ADAT3: variants seen among roughly 807,000 people sequenced by gnomAD.
ADAT3 encodes the protein adenosine deaminase tRNA specific 3, also known as tRNA-specific adenosine-34 deaminase regulatory subunit ADAT3.
Under a neutral mutation model 3.5 loss-of-function variants are expected in ADAT3, and 2 were observed. That is an observed-to-expected ratio of 0.57 (90% CI 0.23 to 1.79). ADAT3 has a LOEUF of 1.79. Ranked by LOEUF, ADAT3 falls within the 40% of genes most tolerant of loss-of-function variation. The pLI, the probability that ADAT3 is intolerant of heterozygous loss-of-function variation, is 0.18. For synonymous variants in ADAT3, 358 were observed against 270.3 expected (o/e 1.32, Z -3.18); for missense variants, 735 against 571.4 (o/e 1.29, Z -2.92).
rs2013513989 is a variant in ADAT3, at chr19:1,912,428, ACGGCCGGCTGTGGACCCCCG to A, written c.387_406del (p.Ala130GlyfsTer147). ...CGCGCTCGCTGGCTGAGCTCCTGCC[ACGGCCGGCTGTGGACCCCCG>A]CGGCCTGGGGCAACCCTTCCTGGTG... On this transcript the variant is annotated frameshift_variant, in exon 2 of 2. Coordinates refer to ENST00000329478, the MANE Select transcript of ADAT3 (RefSeq NM_138422.4). LOFTEE classifies it low-confidence loss of function (END_TRUNC). The A allele has an allele frequency of 6.6e-7, 1 of 1,511,650 alleles. No individual in the cohort carries two copies. The highest frequency in any genetic ancestry group is 8.8e-7 in the Non-Finnish European group (1 of 1,137,230). 93.6% of individuals were successfully genotyped at this position (1,511,650 alleles called of 1,614,324 possible). A position where few individuals can be genotyped will look rare whatever the true frequency, so the allele number is the denominator to read the frequency against.
Position 1,912,844 on chromosome 19 carries a change from C to T in ADAT3, c.797C>T (p.Ser266Phe), listed in dbSNP as rs761753603. The T allele has an allele frequency of 2.5e-6, 4 of 1,595,478 alleles. No individual in the cohort carries two copies. The highest frequency in any genetic ancestry group is 1.1e-5 in the South Asian group (1 of 90,628). Reference protein sequence around the residue: ...TYDFRPFPACSFAPAAAPQAV... With the variant: ...TYDFRPFPACFFAPAAAPQAV... The stretch of plus-strand genomic sequence containing the variant: ...GACTTCAGACCCTTCCCCGCCTGCT[C>T]CTTCGCCCCGGCCGCTGCCCCCCAG... Residue 266 changes from serine to phenylalanine, a missense_variant, in exon 2 of 2, where the codon TCC (serine) becomes TTC (phenylalanine). Transcript: ENST00000329478.
Position 1,913,214 on chromosome 19 carries a change from C to G in ADAT3, c.*63C>G, listed in dbSNP as rs567099450. The G allele has an allele frequency of 3.4e-6, 5 of 1,457,330 alleles. No homozygotes were observed. Among genetic ancestry groups the G allele is most frequent in the Non-Finnish European group, 3.6e-6 (4 of 1,105,050 alleles). The allele number at this position is 1,457,330 out of a possible 1,614,324, so 90.3% of individuals were successfully genotyped here. A position where few individuals can be genotyped will look rare whatever the true frequency, so the allele number is the denominator to read the frequency against. On this transcript the variant is annotated 3_prime_UTR_variant, in exon 2 of 2. Coordinates refer to ENST00000329478, the MANE Select transcript of ADAT3 (RefSeq NM_138422.4). ...GCCGTGGGGCGCCCCTCCTGGACTT[C>G]CGGGCCTCGATTTCTTCCGCACAAG...
At chr19:1,910,500 G>C (rs926212258) in intron 1 of ADAT3, among the ~76,000 whole-genome samples, 1 of 152,020 alleles carries the variant, frequency 6.6e-6, no homozygotes, top group Non-Finnish European at 1.5e-5. Context: ...TTTTATAGTG[G>C]TGATGGTTGC....
chr19:1,911,154 C>G (rs574143985), intron 1 of ADAT3, among the ~76,000 whole-genome samples: 1 of 151,928 alleles, frequency 6.6e-6, no homozygotes, highest in African/African-American at 2.4e-5. Context: ...GGATTACAGG[C>G]GTGAGCCACC....
rs1359994406 is a variant in ADAT3 at position 1,912,032 on chromosome 19, C to T, written c.-16C>T. 2.2e-5 allele frequency: 31 copies of T among 1,416,162 alleles called. No individual in the cohort carries two copies. Among genetic ancestry groups the T allele is most frequent in the East Asian group, 2.8e-5 (1 of 36,306 alleles). 87.7% of individuals were successfully genotyped at this position (1,416,162 alleles called of 1,614,324 possible). ...ACGGACTCCCCGGCTCTCCCCCAGC[C>T]GCCCGCAGCCGCCGGATGATCCTCT... On this transcript the variant is annotated 5_prime_UTR_variant, in exon 2 of 2. Coordinates refer to ENST00000329478, the MANE Select transcript of ADAT3 (RefSeq NM_138422.4).
At chr19:1,907,879 G>C (rs1174208046) in intron 1 of ADAT3, 3 of 152,624 alleles carry the variant, frequency 2.0e-5, no homozygotes, top group East Asian at 1.9e-4. Context: ...GGTAGGAGGT[G>C]CTCTGGCAGT....
At chr19:1,909,182 G>A (rs2145427126) in intron 1 of ADAT3, among the ~76,000 whole-genome samples, 1 of 152,260 alleles carries the variant, frequency 6.6e-6, no homozygotes, top group Middle Eastern at 3.4e-3. Context: ...GAGTCTGTGG[G>A]GGCAGATGCA....
chr19:1,905,459 G>T lies in ADAT3; in HGVS notation c.-159+20G>T, dbSNP rs1163814489. On this transcript the variant is annotated intron_variant, in intron 1 of 1. Transcript: ENST00000329478. The stretch of plus-strand genomic sequence containing the variant: ...CCTCAGGTAAGCGCGCGGCCCCGAG[G>T]TCTCGGGTTCTCCAGGCTCAGACTT... 2.2e-6 allele frequency: 1 copy of T among 457,502 alleles called. No individual in the cohort carries two copies. Among genetic ancestry groups the T allele is most frequent in the Non-Finnish European group, 4.5e-6 (1 of 220,558 alleles). The allele number at this position is 457,502 out of a possible 1,614,324, so 28.3% of individuals were successfully genotyped here.
chr19:1,907,569 G>A (rs1166497480), intron 1 of ADAT3, among the ~76,000 whole-genome samples: 4 of 152,106 alleles, frequency 2.6e-5, no homozygotes, highest in African/African-American at 4.8e-5. Context: ...CCCAGGTCCC[G>A]GCGCGGACCT....
rs372168072 is a variant in ADAT3 at position 1,912,908 on chromosome 19, C to A, written c.861C>A (p.Asp287Glu). ...RAGAVRKLDA[D>E]EDGLPYLCTG... ...GCGCCGTGCGTAAACTGGACGCAGACGAGGACGGCCTCCCCTACCTGTGCA... is the reference window on the plus strand; with the variant it reads ...GCGCCGTGCGTAAACTGGACGCAGAAGAGGACGGCCTCCCCTACCTGTGCA... The change falls in exon 2 of 2, where the codon GAC (aspartate) becomes GAA (glutamate). Residue 287 changes from aspartate (D) to glutamate (E), a missense_variant. Asp to Glu is a conservative substitution (Grantham distance 45, BLOSUM62 2). Transcript: ENST00000329478. 31 of 1,609,034 alleles carry A rather than the reference C, an allele frequency of 1.9e-5. No individual in the cohort carries two copies. The highest frequency in any genetic ancestry group is 2.4e-5 in the Non-Finnish European group (28 of 1,179,252).
rs762408723 is a variant in ADAT3 at position 1,912,623 on chromosome 19, C to T, written c.576C>T (p.His192=). Reference sequence around the variant, plus strand: ...AGGAGCGCGCCGCCATGCAGAGCCACATGGAGCGGGCGGTGTGGGCGGCCC... The same window carrying T: ...AGGAGCGCGCCGCCATGCAGAGCCATATGGAGCGGGCGGTGTGGGCGGCCC... ...STQERAAMQS[H]MERAVWAARR... is the part of the protein sequence containing the mutation. Residue 192 remains histidine (H), a synonymous_variant, in exon 2 of 2, where the codon CAC becomes CAT. Coordinates refer to ENST00000329478, the MANE Select transcript of ADAT3 (RefSeq NM_138422.4). The T allele has an allele frequency of 2.7e-6, 4 of 1,463,716 alleles. No homozygotes were observed. Among genetic ancestry groups the T allele is most frequent in the Middle Eastern group, 1.8e-4 (1 of 5,550 alleles). 90.7% of individuals were successfully genotyped at this position (1,463,716 alleles called of 1,614,324 possible).
chr19:1,907,339 G>A (rs2013178212), intron 1 of ADAT3, among the ~76,000 whole-genome samples: 1 of 150,834 alleles, frequency 6.6e-6, no homozygotes, highest in African/African-American at 2.4e-5. Context: ...GCTGAAGATG[G>A]TCAGGCCCCT....
At chr19:1,907,687 G>T (rs1030899300) in intron 1 of ADAT3, among the ~76,000 whole-genome samples, 5 of 152,172 alleles carry the variant, frequency 3.3e-5, no homozygotes, top group African/African-American at 1.2e-4. Flanking sequence ...CCGGTTCCCA[G>T]CCCAGGCTGG....
At position 1,913,088 on chromosome 19, in the gene ADAT3, C is replaced by T. The variant is rs1344876673; in HGVS notation, c.1041C>T (p.His347=). ...TCCACGCACGGCCCGACCTCAACCA[C>T]CGCTTCCAGGTGTTCCGCGGGGTGC... ...FRIHARPDLN[H]RFQVFRGVLE... is the part of the protein sequence containing the mutation. Residue 347 remains histidine (H), a synonymous_variant, in exon 2 of 2, where the codon CAC becomes CAT. Transcript: ENST00000329478. 1.2e-6 allele frequency: 2 copies of T among 1,600,774 alleles called. No homozygotes were observed. Among genetic ancestry groups the T allele is most frequent in the East Asian group, 2.2e-5 (1 of 44,704 alleles).
Position 1,912,669 on chromosome 19 carries a change from TTGCGGGCCG to T in ADAT3, c.625_633del (p.Arg209_Val211del). On this transcript the variant is annotated inframe_deletion, in exon 2 of 2. Transcript: ENST00000329478. Reference sequence around the variant, plus strand: ...GGCCCGGCGGGCAGCAGCGCGGGGCTTGCGGGCCGTGGGGGCCGTGGTAGTGGACCCGGC... The same window carrying T: ...GGCCCGGCGGGCAGCAGCGCGGGGCTTGGGGGCCGTGGTAGTGGACCCGGC... The T allele has an allele frequency of 7.0e-7, 1 of 1,437,822 alleles. No individual in the cohort carries two copies. The highest frequency in any genetic ancestry group is 9.0e-7 in the Non-Finnish European group (1 of 1,106,322). The allele number at this position is 1,437,822 out of a possible 1,614,324, so 89.1% of individuals were successfully genotyped here.
At position 1,913,205 on chromosome 19, in the gene ADAT3, C is replaced by G; in HGVS notation, c.*54C>G. On this transcript the variant is annotated 3_prime_UTR_variant, in exon 2 of 2. Coordinates refer to ENST00000329478, the MANE Select transcript of ADAT3 (RefSeq NM_138422.4). ...CCGCTCCCGGCCGTGGGGCGCCCCT[C>G]CTGGACTTCCGGGCCTCGATTTCTT... is the stretch of plus-strand genomic sequence containing the variant. 6.8e-7 allele frequency: 1 copy of G among 1,461,548 alleles called. No individual in the cohort carries two copies. Among genetic ancestry groups the G allele is most frequent in the Non-Finnish European group, 9.0e-7 (1 of 1,107,400 alleles). 90.5% of individuals were successfully genotyped at this position (1,461,548 alleles called of 1,614,324 possible).
Position 1,912,763 on chromosome 19 carries a change from A to G in ADAT3, c.716A>G (p.His239Arg). 2 of 1,557,338 alleles carry G rather than the reference A, an allele frequency of 1.3e-6. No individual in the cohort carries two copies. The highest frequency in any genetic ancestry group is 2.4e-5 in the East Asian group (1 of 41,608). The change falls in exon 2 of 2, where the codon CAC becomes CGC. Residue 239 changes from histidine to arginine, a missense_variant. Physicochemically the swap from His to Arg is conservative, Grantham distance 29. Transcript: ENST00000329478. Reference sequence around the variant, plus strand: ...AGCTGCGCGGACAACCCCCTCCTGCACGCCGTCATGGTGTGCGTGGACCTC... The same window carrying G: ...AGCTGCGCGGACAACCCCCTCCTGCGCGCCGTCATGGTGTGCGTGGACCTC... ...DCSCADNPLL[H>R]AVMVCVDLVA...
intron 1 of ADAT3, among the ~76,000 whole-genome samples, chr19:1,907,446 G>A (rs1351248881): frequency 6.6e-6 from 1 of 151,862 alleles, no homozygotes; most frequent in Non-Finnish European, 1.5e-5. Context: ...TGGAAGCCGA[G>A]GCTTGGAGGA....
At position 1,908,476 on chromosome 19, in the gene ADAT3, A is replaced by G. The variant is rs73916818; in HGVS notation, c.-159+3037A>G. ...CGGCTGCGAAATGATCCAGAGACAC[A>G]TCCCTGTCTGCGGGAGGAGCCGTCC... On this transcript the variant is annotated intron_variant, in intron 1 of 1. Coordinates refer to ENST00000329478, the MANE Select transcript of ADAT3 (RefSeq NM_138422.4). This position sits in a 1 kb window ranked among gnomAD's most constrained non-coding sequence, Gnocchi z 4.2. 1.9e-3 allele frequency: 899 copies of G among 470,926 alleles called. 8 individuals are homozygous for G. Among genetic ancestry groups the G allele is most frequent in the African/African-American group, 0.017 (832 of 50,142 alleles). 29.2% of individuals were successfully genotyped at this position (470,926 alleles called of 1,614,324 possible). A position where few individuals can be genotyped will look rare whatever the true frequency, so the allele number is the denominator to read the frequency against.
Sources: gnomAD v4.1 joint callset for allele counts (sites outside exome capture counted in the v4.1 genomes callset) on GRCh38, gnomAD v4.1.1 for gene constraint, Gnocchi (gnomAD v3.1) non-coding constraint, MANE v1.5 for transcripts, NCBI Gene and HGNC (gene_info 2026-07-23, HGNC 2026-07-21) for gene names.